Variants in HID1 observed in about 807,000 individuals in gnomAD.
HID1 encodes protein HID1.
In HID1, 42 loss-of-function variants were observed where a neutral mutation model predicts 89.7. The ratio of observed to expected loss-of-function variants is 0.47; its 90% CI spans 0.37 to 0.61. HID1 has a LOEUF of 0.61. Ranked by LOEUF, HID1 falls within the 20% of genes least tolerant of loss-of-function variation. The pLI is 0.00. For missense variants in HID1, 854 were observed against 1,039.3 expected, an observed-to-expected ratio of 0.82 and a Z score of 2.45; for synonymous variants, 442 against 433.8, an observed-to-expected ratio of 1.02 and a Z score of -0.24.
chr17:74,951,469 C>CCCT lies in HID1; in HGVS notation c.*98_*100dup, dbSNP rs2144795892. On this transcript the variant is annotated 3_prime_UTR_variant, in exon 19 of 19. Coordinates refer to ENST00000425042, the MANE Select transcript of HID1 (RefSeq NM_030630.3). ...TCAGGGCCACTCTGCCTGTTCCAGGCCCTGATCGTGGTAATTTAAAGCTCA... is the reference window on the plus strand; with the variant it reads ...TCAGGGCCACTCTGCCTGTTCCAGGCCCTCCTGATCGTGGTAATTTAAAGCTCA... 8.5e-7 allele frequency: 1 copy of CCCT among 1,172,912 alleles called. No individual in the cohort carries two copies. The highest frequency in any genetic ancestry group is 2.5e-5 in the East Asian group (1 of 39,628). The allele number at this position is 1,172,912 out of a possible 1,614,324, so 72.7% of individuals were successfully genotyped here.
intron 12 of HID1, among the ~76,000 whole-genome samples, chr17:74,956,862 T>TG (rs1439135057): frequency 3.3e-5 from 5 of 152,202 alleles, no homozygotes; most frequent in Non-Finnish European, 7.4e-5. Flanking sequence ...CCTTGCTGGG[T>TG]GGGGGTAGGG....
chr17:74,965,518 A>G (rs966511727), intron 1 of HID1, among the ~76,000 whole-genome samples: 1 of 152,148 alleles, frequency 6.6e-6, no homozygotes, highest in Non-Finnish European at 1.5e-5. Context: ...CCACCCTGCC[A>G]TCTCTTCTCT....
rs747284569 is a variant in HID1, at chr17:74,962,216, G to A, written c.611+18C>T. The A allele has an allele frequency of 9.4e-6, 15 of 1,589,326 alleles. No homozygotes were observed. In the East Asian group the frequency reaches 2.5e-4, roughly 26 times the overall value. Reference sequence around the variant, plus strand: ...GGGTCCAGCTGCATTGAGGGCTCCGGGCCTGGGCGAAGCTCACCGGTTCAT... The same window carrying A: ...GGGTCCAGCTGCATTGAGGGCTCCGAGCCTGGGCGAAGCTCACCGGTTCAT... On this transcript the variant is annotated intron_variant, in intron 5 of 18. Transcript: ENST00000425042. The surrounding 1 kb of genome is among the most constrained non-coding windows in gnomAD (Gnocchi z 4.3).
chr17:74,956,551 C>A (rs1159488082), intron 12 of HID1, among the ~76,000 whole-genome samples: 2 of 152,108 alleles, frequency 1.3e-5, no homozygotes, highest in Non-Finnish European at 2.9e-5. Context: ...CAAGTGTGTT[C>A]TCGGAACCAG....
At chr17:74,971,473 TG>T (rs1777020132) in intron 1 of HID1, among the ~76,000 whole-genome samples, 2 of 151,970 alleles carry the variant, frequency 1.3e-5, no homozygotes, top group South Asian at 4.2e-4. Flanking sequence ...CCTTCCAGGG[TG>T]GGGAAAGGGG....
At position 74,963,910 on chromosome 17, in the gene HID1, C is replaced by T; in HGVS notation, c.217G>A (p.Ala73Thr). 1 of 1,613,770 alleles carries T rather than the reference C, an allele frequency of 6.2e-7. No homozygotes were observed. ...GCTCCCTGCACCAGCTTCTCAACGG[C>T]CTGTGGGGGCAGGCAGGAGCAGAGG... ...PSNLATLCYK[A>T]VEKLVQGAES... Residue 73 changes from alanine to threonine, a missense_variant and splice_region_variant, in exon 3 of 19, where the codon GCC becomes ACC. Transcript: ENST00000425042.
At position 74,958,776 on chromosome 17, in the gene HID1, G is replaced by A. The variant is rs774732402; in HGVS notation, c.1150-13C>T. On this transcript the variant is annotated splice_polypyrimidine_tract_variant and intron_variant, in intron 9 of 18. Coordinates refer to ENST00000425042, the MANE Select transcript of HID1 (RefSeq NM_030630.3). This position sits in a 1 kb window ranked among gnomAD's most constrained non-coding sequence, Gnocchi z 5.2. ...AGAAGAGGAATTTCTAGGGGTGCGG[G>A]GAGGGGCCAAGTGGGCTGAGTTCAA... is the stretch of plus-strand genomic sequence containing the variant. The A allele has an allele frequency of 5.6e-6, 9 of 1,612,736 alleles. No homozygotes were observed. The highest frequency in any genetic ancestry group is 5.1e-6 in the Non-Finnish European group (6 of 1,179,378).
chr17:74,967,668 G>A (rs2039583080), intron 1 of HID1: 1 of 151,038 alleles, frequency 6.6e-6, no homozygotes. Flanking sequence ...TGAACAACAT[G>A]ACGAAATACC....
chr17:74,955,959 G>A lies in HID1; in HGVS notation c.1472-3C>T, dbSNP rs200301489. 103 of 1,613,106 alleles carry A rather than the reference G, an allele frequency of 6.4e-5. No homozygotes were observed. Among genetic ancestry groups the A allele is most frequent in the Non-Finnish European group, 8.2e-5 (97 of 1,179,704 alleles). On this transcript the variant is annotated splice_region_variant and splice_polypyrimidine_tract_variant and intron_variant, in intron 12 of 18. Transcript: ENST00000425042. ...CAGGCTCTTGAGGTAGGGGGACACT[G>A]TAAGGGAGGGGTCAGCTCACTCCTG... is the stretch of plus-strand genomic sequence containing the variant.
intron 3 of HID1, chr17:74,963,419 G>C (rs960355811): frequency 1.6e-5 from 8 of 487,822 alleles, no homozygotes; most frequent in Non-Finnish European, 2.9e-5. Flanking sequence ...GGTGGTGTGG[G>C]GGAGAGAGGA....
At chr17:74,968,715 G>C (rs1440350151) in intron 1 of HID1, among the ~76,000 whole-genome samples, 1 of 152,154 alleles carries the variant, frequency 6.6e-6, no homozygotes, top group East Asian at 1.9e-4. Flanking sequence ...GACATCCCAG[G>C]AAACCCACAG....
In HID1 at chr17:74,957,860, A is replaced by G. The variant is rs570863159; in HGVS notation, c.1471+281T>C. 6.1e-5 allele frequency: 25 copies of G among 411,222 alleles called. No homozygotes were observed. The East Asian group carries it at 1.2e-3, about 20-fold the overall frequency. The allele number at this position is 411,222 out of a possible 1,614,324, so 25.5% of individuals were successfully genotyped here. ...GGTTGCAGTGAGCTGAGATGGTGCC[A>G]CTGCACTCCAGCCTGGGCGACAAGA... On this transcript the variant is annotated intron_variant, in intron 12 of 18. Coordinates refer to ENST00000425042, the MANE Select transcript of HID1 (RefSeq NM_030630.3).
rs1440819991 is a variant in HID1, at chr17:74,955,793, A to G, written c.1635T>C (p.Asp545=). 6.2e-7 allele frequency: 1 copy of G among 1,613,862 alleles called. No individual in the cohort carries two copies. The highest frequency in any genetic ancestry group is 1.3e-5 in the African/African-American group (1 of 74,920). ...VFNNIIQYQF[D]GNSNLVYAII... is the part of the protein sequence containing the mutation. ...CAGGGCCTCAGGCTGGTGCCTCACC[A>G]TCAAACTGGTACTGGATGATGTTGT... The change falls in exon 13 of 19, where the codon GAT becomes GAC. Residue 545 remains aspartate (D), a splice_region_variant and synonymous_variant. Transcript: ENST00000425042.
At position 74,958,057 on chromosome 17, in the gene HID1, G is replaced by A. The variant is rs769193202; in HGVS notation, c.1471+84C>T. The stretch of plus-strand genomic sequence containing the variant: ...TTCTTTCTGTGGGCTGGAGGGGCTT[G>A]AAACCTGGAGCAAGTGGCAGGTTGG... On this transcript the variant is annotated intron_variant, in intron 12 of 18. Coordinates refer to ENST00000425042, the MANE Select transcript of HID1 (RefSeq NM_030630.3). The surrounding 1 kb of genome is among the most constrained non-coding windows in gnomAD (Gnocchi z 5.2). The A allele has an allele frequency of 1.4e-5, 18 of 1,299,976 alleles. No homozygotes were observed. Among genetic ancestry groups the A allele is most frequent in the Non-Finnish European group, 1.7e-5 (16 of 927,156 alleles). 80.5% of individuals were successfully genotyped at this position (1,299,976 alleles called of 1,614,324 possible).
Position 74,958,579 on chromosome 17 carries a change from C to G in HID1, c.1240+94G>C. 1 of 1,582,994 alleles carries G rather than the reference C, an allele frequency of 6.3e-7. No homozygotes were observed. Among genetic ancestry groups the G allele is most frequent in the Non-Finnish European group, 8.6e-7 (1 of 1,156,446 alleles). On this transcript the variant is annotated intron_variant, in intron 10 of 18. Transcript: ENST00000425042. This position sits in a 1 kb window ranked among gnomAD's most constrained non-coding sequence, Gnocchi z 5.2. Reference sequence around the variant, plus strand: ...GCCTCCCTCCTAGGAGGTCAGAGTGCCAGGCCTGAGCTCCTGGGAGTCAGG... The same window carrying G: ...GCCTCCCTCCTAGGAGGTCAGAGTGGCAGGCCTGAGCTCCTGGGAGTCAGG...
chr17:74,963,566 A>C, intron 3 of HID1, 174 bp downstream of exon 3: 1 of 636,832 alleles, frequency 1.6e-6, no homozygotes. Context: ...TGGGAGGGGA[A>C]CTGAGGGCCC....
At chr17:74,970,133 T>G (rs1217769936) in intron 1 of HID1, among the ~76,000 whole-genome samples, 1 of 151,464 alleles carries the variant, frequency 6.6e-6, no homozygotes, top group Non-Finnish European at 1.5e-5. Flanking sequence ...CTCAGGCTGG[T>G]CTCGAACTCC....
Position 74,962,032 on chromosome 17 carries a change from C to A in HID1, c.612-43G>T. ...GAGGGCACCTTAGGATCCCAGTCCC[C>A]TCTTGGAGGTTCTGCCCACCCAGCC... On this transcript the variant is annotated intron_variant, in intron 5 of 18. Transcript: ENST00000425042. This position sits in a 1 kb window ranked among gnomAD's most constrained non-coding sequence, Gnocchi z 4.3. 1 of 1,435,942 alleles carries A rather than the reference C, an allele frequency of 7.0e-7. No homozygotes were observed. Among genetic ancestry groups the A allele is most frequent in the South Asian group, 1.4e-5 (1 of 72,754 alleles). 89.0% of individuals were successfully genotyped at this position (1,435,942 alleles called of 1,614,324 possible). A position where few individuals can be genotyped will look rare whatever the true frequency, so the allele number is the denominator to read the frequency against.
At chr17:74,957,422 A>G (rs1261028841) in intron 12 of HID1, among the ~76,000 whole-genome samples, 1 of 151,738 alleles carries the variant, frequency 6.6e-6, no homozygotes, top group East Asian at 1.9e-4. Context: ...GGTTGCAGTG[A>G]ATGGAGATTG....
Sources: allele counts gnomAD v4.1 joint callset (sites outside exome capture counted in the v4.1 genomes callset), GRCh38; gene constraint gnomAD v4.1.1; non-coding constraint Gnocchi (gnomAD v3.1); transcripts MANE v1.5; gene names NCBI Gene and HGNC (gene_info 2026-07-23, HGNC 2026-07-21).